ZNF248: variants seen among roughly 807,000 people sequenced by gnomAD.
ZNF248 encodes the protein zinc finger protein 248.
ZNF248 carries 20 observed loss-of-function variants against 44.3 expected under a neutral mutation model. The observed-to-expected ratio is 0.45, with a 90% confidence interval of 0.32 to 0.66. The LOEUF (loss-of-function observed/expected upper bound fraction) is 0.66. Among genes scored for constraint, ZNF248 ranks in the 30% least tolerant of loss-of-function variants. The pLI, the probability that ZNF248 is intolerant of heterozygous loss-of-function variation, is 0.04. For synonymous variants in ZNF248, 224 were observed against 229.0 expected, an observed-to-expected ratio of 0.98 and a Z score of 0.20; for missense variants, 654 against 677.0, an observed-to-expected ratio of 0.97 and a Z score of 0.38.
chr10:37,763,698 C>CAGG, the ZNF248 span, among the ~76,000 whole-genome samples: 3 of 152,148 alleles, frequency 2.0e-5, no homozygotes, highest in African/African-American at 7.2e-5. Context: ...TATGTTGTTG[C>CAGG]AGGAAGTCAG....
chr10:37,797,933 T>A (rs2049343484), intron 6 of ZNF248, among the ~76,000 whole-genome samples: 1 of 152,132 alleles, frequency 6.6e-6, no homozygotes, highest in South Asian at 2.1e-4. Flanking sequence ...AGAGTTAGTA[T>A]ATGACTCAGC....
chr10:37,829,452 T>C lies in ZNF248; in HGVS notation c.*2163A>G, dbSNP rs953235896. 4.5e-5 allele frequency: 44 copies of C among 985,260 alleles called. No homozygotes were observed. The highest frequency in any genetic ancestry group is 3.1e-4 in the African/African-American group (18 of 57,228). 61.0% of individuals were successfully genotyped at this position (985,260 alleles called of 1,614,324 possible). A position where few individuals can be genotyped will look rare whatever the true frequency, so the allele number is the denominator to read the frequency against. Reference sequence around the variant, plus strand: ...CCCTATATTAACTTGTGAAAAGAAATAATTCTTCCCCCTAATTACCATATA... The same window carrying C: ...CCCTATATTAACTTGTGAAAAGAAACAATTCTTCCCCCTAATTACCATATA... On this transcript the variant is annotated 3_prime_UTR_variant, in exon 6 of 6. Transcript: ENST00000395867.
chr10:37,838,478 TAC>T (rs893845831), intron 3 of ZNF248, among the ~76,000 whole-genome samples: 118 of 152,352 alleles, frequency 7.7e-4, no homozygotes, highest in African/African-American at 2.8e-3. Flanking sequence ...TATTACCTTT[TAC>T]ATTATCAAGT....
intron 6 of ZNF248, among the ~76,000 whole-genome samples, chr10:37,810,087 C>A (rs1407015722): frequency 1.3e-5 from 2 of 152,116 alleles, no homozygotes; most frequent in Non-Finnish European, 2.9e-5. Context: ...AAATGCAGAC[C>A]AGGTCTGGAT....
the ZNF248 span, among the ~76,000 whole-genome samples, chr10:37,763,812 C>T: frequency 1.3e-5 from 2 of 152,202 alleles, no homozygotes; most frequent in Admixed American, 1.3e-4. Flanking sequence ...GTCTTTACTG[C>T]AATCTCTGAA....
At chr10:37,825,920 G>A (rs1421972096), downstream of ZNF248, among the ~76,000 whole-genome samples, 2 of 151,544 alleles carry the variant, frequency 1.3e-5, no homozygotes, top group African/African-American at 4.8e-5. Flanking sequence ...GGGGGGGAGA[G>A]AGAGAGAAAA....
rs1045117108 is a variant in ZNF248 at position 37,829,293 on chromosome 10, G to C, written c.*2322C>G. ...CTCAGAATGGCAATGGCTTCCTGCT[G>C]ATACAAGTCTCTGGGTGTTTCACTG... On this transcript the variant is annotated 3_prime_UTR_variant, in exon 6 of 6. Coordinates refer to ENST00000395867, the MANE Select transcript of ZNF248 (RefSeq NM_021045.3). 70 of 985,264 alleles carry C rather than the reference G, an allele frequency of 7.1e-5. No homozygotes were observed. Among genetic ancestry groups the C allele is most frequent in the Non-Finnish European group, 8.2e-5 (68 of 829,914 alleles). The allele number at this position is 985,264 out of a possible 1,614,324, so 61.0% of individuals were successfully genotyped here.
the ZNF248 span, among the ~76,000 whole-genome samples, chr10:37,769,811 T>C: frequency 6.6e-6 from 1 of 152,128 alleles, no homozygotes; most frequent in Non-Finnish European, 1.5e-5. Flanking sequence ...GGTATTCAAT[T>C]AGGAAAAGAG....
the ZNF248 span, among the ~76,000 whole-genome samples, chr10:37,770,582 A>T: frequency 1.3e-5 from 2 of 152,344 alleles, no homozygotes; most frequent in African/African-American, 4.8e-5. Flanking sequence ...TAGAAAGCTG[A>T]AACTGGATCC....
At chr10:37,773,442 G>A (rs2046348659), downstream of ZNF248, among the ~76,000 whole-genome samples, 3 of 152,142 alleles carry the variant, frequency 2.0e-5, no homozygotes, top group Admixed American at 2.0e-4. Context: ...CACTGTTGGA[G>A]GGACATAAAA....
intron 3 of ZNF248, among the ~76,000 whole-genome samples, chr10:37,848,354 T>G (rs1399450965): frequency 6.6e-6 from 1 of 152,078 alleles, no homozygotes; most frequent in Non-Finnish European, 1.5e-5. Context: ...GAGGCTGAGA[T>G]GGACAGATCG....
intron 3 of ZNF248, among the ~76,000 whole-genome samples, chr10:37,848,687 C>T (rs1214288205): frequency 6.6e-6 from 1 of 152,012 alleles, no homozygotes; most frequent in Non-Finnish European, 1.5e-5. Flanking sequence ...AAACAGAAGT[C>T]AGAGGCATGA....
At chr10:37,787,013 C>T (rs776892738) in intron 6 of ZNF248, among the ~76,000 whole-genome samples, 4 of 152,150 alleles carry the variant, frequency 2.6e-5, no homozygotes, top group African/African-American at 9.7e-5. Flanking sequence ...GGCACTTTGG[C>T]TCATGCCTTT....
Position 37,856,297 on chromosome 10 carries a change from T to C in ZNF248, c.14A>G (p.Gln5Arg). MNKS[Q>R]EQVSFKDVCV... ...GGAATAAAGAAACAAGAATCTCACC[T>C]GGGATTTGTTCATTTTCCGCTCTTA... Residue 5 changes from glutamine (Q) to arginine (R), a missense_variant and splice_region_variant, in exon 3 of 6, where the codon CAG (glutamine) becomes CGG (arginine). Physicochemically the swap from Gln to Arg is conservative, Grantham distance 43. Transcript: ENST00000395867. 3.1e-6 allele frequency: 5 copies of C among 1,613,570 alleles called. No individual in the cohort carries two copies. Among genetic ancestry groups the C allele is most frequent in the South Asian group, 1.1e-5 (1 of 91,054 alleles).
At chr10:37,793,932 A>T (rs934003642) in intron 6 of ZNF248, among the ~76,000 whole-genome samples, 3 of 152,230 alleles carry the variant, frequency 2.0e-5, no homozygotes, top group Non-Finnish European at 4.4e-5. Flanking sequence ...CAGATGTATA[A>T]TTTTTTTAAA....
intron 3 of ZNF248, among the ~76,000 whole-genome samples, chr10:37,843,814 G>A (rs2058782494): frequency 1.3e-5 from 2 of 152,094 alleles, no homozygotes; most frequent in Admixed American, 1.3e-4. Flanking sequence ...ACAGACAGCT[G>A]AAAGAATCAT....
chr10:37,851,881 ACAG>A (rs2060316941), intron 3 of ZNF248, among the ~76,000 whole-genome samples: 1 of 151,514 alleles, frequency 6.6e-6, no homozygotes, highest in Non-Finnish European at 1.5e-5. Flanking sequence ...TGGCATGTTC[ACAG>A]CAGTTTTATT....
At chr10:37,804,592 C>A (rs1223886199) in intron 6 of ZNF248, among the ~76,000 whole-genome samples, 2 of 152,120 alleles carry the variant, frequency 1.3e-5, no homozygotes, top group Admixed American at 1.3e-4. Flanking sequence ...TGCCACCATA[C>A]CTGGCTAATT....
In ZNF248 at chr10:37,808,576, T is replaced by C. The variant is rs564193791; in HGVS notation, c.330+24449A>G. Among the ~76,000 whole-genome samples the C allele has an allele frequency of 2.0e-5, 3 of 152,232 alleles. No individual in the cohort carries two copies. The South Asian group carries it at 6.2e-4, about 32-fold the overall frequency. On this transcript the variant is annotated intron_variant, in intron 6 of 6. Coordinates refer to the ZNF248 transcript ENST00000615949. ...CTGAGATTACAGGCAGTAGCCACCATACCCAGCTGGTACACAATCTTTTCA... is the reference window on the plus strand; with the variant it reads ...CTGAGATTACAGGCAGTAGCCACCACACCCAGCTGGTACACAATCTTTTCA...
Sources: gnomAD v4.1 joint callset for allele counts (sites outside exome capture counted in the v4.1 genomes callset) on GRCh38, gnomAD v4.1.1 for gene constraint, MANE v1.5 for transcripts, NCBI Gene and HGNC (gene_info 2026-07-23, HGNC 2026-07-21) for gene names.